PAK2: variants seen among roughly 807,000 people sequenced by gnomAD.
PAK2 encodes the protein serine/threonine-protein kinase PAK 2.
Under a neutral mutation model 65.9 loss-of-function variants are expected in PAK2, and 21 were observed. That is an observed-to-expected ratio of 0.32 (90% CI 0.23 to 0.46). PAK2 has a LOEUF of 0.46. Ranked by LOEUF, PAK2 falls within the 20% of genes least tolerant of loss-of-function variation. The pLI, the probability that PAK2 is intolerant of heterozygous loss-of-function variation, is 1.00. For synonymous variants in PAK2, 204 were observed against 219.7 expected (o/e 0.93, Z 0.63); for missense variants, 324 against 642.6 (o/e 0.50, Z 5.36).
At chr3:196,742,566 T>G (rs1310486711) in intron 1 of PAK2, among the ~76,000 whole-genome samples, 1 of 152,234 alleles carries the variant, frequency 6.6e-6, no homozygotes, top group African/African-American at 2.4e-5. Context: ...ATAATAATAT[T>G]TGAGTATATT....
At chr3:196,743,718 C>CTAAAAA (rs61144632) in intron 1 of PAK2, among the ~76,000 whole-genome samples, 4,503 of 151,944 alleles carry the variant, frequency 0.03, 84 homozygotes, top group Middle Eastern at 0.068. Context: ...GTATTCTCTA[C>CTAAAAA]TAAAAATAAA....
intron 11 of PAK2, among the ~76,000 whole-genome samples, chr3:196,815,114 A>C (rs1194707123): frequency 6.6e-6 from 1 of 151,686 alleles, no homozygotes; most frequent in Non-Finnish European, 1.5e-5. Flanking sequence ...TGGGAGGTGG[A>C]GCTTGCAGTG....
intron 6 of PAK2, 110 bp downstream of exon 6, chr3:196,806,796 A>G: frequency 1.4e-6 from 1 of 694,072 alleles, no homozygotes; most frequent in African/African-American, 1.8e-5. Flanking sequence ...TCAAGTTTAA[A>G]ATCGTTTAGT....
At chr3:196,757,335 T>C (rs748028022) in intron 1 of PAK2, among the ~76,000 whole-genome samples, 8 of 152,168 alleles carry the variant, frequency 5.3e-5, no homozygotes, top group African/African-American at 9.7e-5. Context: ...AGTTAAACTT[T>C]AAAATGGAGG....
chr3:196,751,663 T>TTTTATATATATATATATATATATA lies in PAK2; in HGVS notation c.-22+11507_-22+11508insTTATATATATATATATATATATAT, dbSNP rs1491521540. On this transcript the variant is annotated intron_variant, in intron 1 of 14. Transcript: ENST00000327134. ...CTGTCCCCCCAAAAAACACACAAATTTATTTATATACATATATATATATAT... is the reference window on the plus strand; with the variant it reads ...CTGTCCCCCCAAAAAACACACAAATTTTTATATATATATATATATATATATATTTATATACATATATATATATAT... Among the ~76,000 whole-genome samples, 44 of 45,712 alleles carry TTTTATATATATATATATATATATA rather than the reference T, an allele frequency of 9.6e-4. 2 individuals are homozygous for TTTTATATATATATATATATATATA. Among genetic ancestry groups the TTTTATATATATATATATATATATA allele is most frequent in the African/African-American group, 4.8e-3 (42 of 8,768 alleles). 30.0% of individuals were successfully genotyped at this position (45,712 alleles called of 152,430 possible).
At position 196,759,528 on chromosome 3, in the gene PAK2, T is replaced by G. The variant is rs1226575603; in HGVS notation, c.-22+19371T>G. ...TTTTTTTTTTTTTTTTTTTTTTTTT[T>G]TTTTTTTTTGAGATAGAGTCTTGCT... On this transcript the variant is annotated intron_variant, in intron 1 of 14. Coordinates refer to ENST00000327134, the MANE Select transcript of PAK2 (RefSeq NM_002577.4). Among the ~76,000 whole-genome samples the G allele has an allele frequency of 2.6e-4, 34 of 132,880 alleles. 1 individual carries two copies. The East Asian group carries it at 3.6e-3, about 14-fold the overall frequency. 87.2% of individuals were successfully genotyped at this position (132,880 alleles called of 152,430 possible).
chr3:196,796,207 GTTCT>G (rs1454080730), intron 2 of PAK2, among the ~76,000 whole-genome samples: 1 of 152,092 alleles, frequency 6.6e-6, no homozygotes. Flanking sequence ...TGTGGTATGC[GTTCT>G]TTCTTATCTA....
Position 196,811,250 on chromosome 3 carries a change from C to A in PAK2, c.773+597C>A, listed in dbSNP as rs375032401. On this transcript the variant is annotated intron_variant, in intron 8 of 14. Transcript: ENST00000327134. ...CTTCCCTTCCCTTCCTTCCCTCCCT[C>A]CCCTCCCTCCCTTCCTTCCCTTCCC... 1.5e-3 allele frequency among the ~76,000 whole-genome samples: 4 copies of A among 2,602 alleles called. 1 individual carries two copies. Among genetic ancestry groups the A allele is most frequent in the Admixed American group, 7.5e-3 (1 of 134 alleles). 1.7% of individuals were successfully genotyped at this position (2,602 alleles called of 152,430 possible).
At chr3:196,753,715 G>A (rs1194672837) in intron 1 of PAK2, among the ~76,000 whole-genome samples, 1 of 152,132 alleles carries the variant, frequency 6.6e-6, no homozygotes. Flanking sequence ...AAATTCTGTT[G>A]ATGTTGTTCT....
chr3:196,786,824 ATCT>A (rs1382478005), intron 2 of PAK2, among the ~76,000 whole-genome samples: 2 of 143,756 alleles, frequency 1.4e-5, no homozygotes, highest in Admixed American at 7.0e-5. Flanking sequence ...ATATCTTACA[ATCT>A]TTTTTTTTTT....
chr3:196,795,697 C>G (rs1444194810), intron 2 of PAK2, among the ~76,000 whole-genome samples: 2 of 152,028 alleles, frequency 1.3e-5, no homozygotes, highest in African/African-American at 4.8e-5. Context: ...CTTTCCAAAA[C>G]AAAGGAGGAC....
Position 196,791,285 on chromosome 3 carries a change from A to G in PAK2, c.187+8452A>G, listed in dbSNP as rs1317964411. ...CTTTTCCCATTGAGACTATTAAAATACAGAGAGTACCTGTATGTGTGTTAT... is the reference window on the plus strand; with the variant it reads ...CTTTTCCCATTGAGACTATTAAAATGCAGAGAGTACCTGTATGTGTGTTAT... On this transcript the variant is annotated intron_variant, in intron 2 of 14. Transcript: ENST00000327134. The surrounding 1 kb of genome is among the most constrained non-coding windows in gnomAD (Gnocchi z 4.0). Among the ~76,000 whole-genome samples the G allele has an allele frequency of 6.6e-6, 1 of 152,206 alleles. No individual in the cohort carries two copies. The highest frequency in any genetic ancestry group is 6.5e-5 in the Admixed American group (1 of 15,272).
At chr3:196,805,103 A>G (rs1364148073) in intron 4 of PAK2, among the ~76,000 whole-genome samples, 1 of 152,064 alleles carries the variant, frequency 6.6e-6, no homozygotes, top group Non-Finnish European at 1.5e-5. Flanking sequence ...ATGCAATACA[A>G]TTCACCCATT....
chr3:196,808,328 C>T (rs1042217176), intron 7 of PAK2, among the ~76,000 whole-genome samples: 15 of 151,374 alleles, frequency 9.9e-5, no homozygotes, highest in Admixed American at 1.3e-4. Flanking sequence ...TTTGGGAGGC[C>T]GAGGTGGGCG....
At chr3:196,747,746 G>A (rs1041678337) in intron 1 of PAK2, among the ~76,000 whole-genome samples, 6 of 152,006 alleles carry the variant, frequency 3.9e-5, no homozygotes, top group Non-Finnish European at 8.8e-5. Context: ...ACTAAATATA[G>A]GACTTAGTCT....
At chr3:196,764,731 C>T (rs1348787197) in intron 1 of PAK2, among the ~76,000 whole-genome samples, 1 of 151,856 alleles carries the variant, frequency 6.6e-6, no homozygotes, top group Non-Finnish European at 1.5e-5. Flanking sequence ...GTTGCCCAGG[C>T]TGGTCTCTAA....
At chr3:196,750,112 A>C (rs1005978217) in intron 1 of PAK2, among the ~76,000 whole-genome samples, 1 of 150,838 alleles carries the variant, frequency 6.6e-6, no homozygotes, top group Non-Finnish European at 1.5e-5. Flanking sequence ...TTAGCCTCCC[A>C]AATAGCTGGG....
At chr3:196,819,413 C>T (rs1445199135) in intron 12 of PAK2, among the ~76,000 whole-genome samples, 3 of 152,016 alleles carry the variant, frequency 2.0e-5, no homozygotes, top group Admixed American at 6.6e-5. Flanking sequence ...CTGCACACAG[C>T]GTGGGCAACA....
intron 1 of PAK2, among the ~76,000 whole-genome samples, chr3:196,764,555 G>T (rs1422811969): frequency 6.6e-6 from 1 of 150,998 alleles, no homozygotes; most frequent in Non-Finnish European, 1.5e-5. Context: ...GGAGGCGGAG[G>T]TTGCAGTGAG....
Sources: gnomAD v4.1 joint callset for allele counts (sites outside exome capture counted in the v4.1 genomes callset) on GRCh38, gnomAD v4.1.1 for gene constraint, Gnocchi (gnomAD v3.1) non-coding constraint, MANE v1.5 for transcripts, NCBI Gene and HGNC (gene_info 2026-07-23, HGNC 2026-07-21) for gene names.